MUSK: variants seen among roughly 807,000 people sequenced by gnomAD.
MUSK encodes muscle associated receptor tyrosine kinase.
A neutral mutation model predicts 88.7 loss-of-function variants in MUSK; 55 were observed. That is an observed-to-expected ratio of 0.62 (90% CI 0.50 to 0.78). The LOEUF (loss-of-function observed/expected upper bound fraction) is 0.78. Ranked by LOEUF, MUSK falls within the 30% of genes least tolerant of loss-of-function variation. The probability of loss-of-function intolerance (pLI) is 0.00; values close to 1 mark genes in which losing one functional copy is unlikely to be tolerated. For missense variants in MUSK, 1,015 were observed against 1,074.3 expected (o/e 0.94, Z 0.77); for synonymous variants, 387 against 391.9 (o/e 0.99, Z 0.15).
intron 6 of MUSK, among the ~76,000 whole-genome samples, chr9:110,741,972 T>A (rs544383533): frequency 4.1e-4 from 62 of 152,282 alleles, no homozygotes; most frequent in African/African-American, 1.5e-3. Flanking sequence ...ATTAGAGACA[T>A]CAGGGCTAAT....
intron 5 of MUSK, among the ~76,000 whole-genome samples, chr9:110,708,130 A>G (rs1248211534): frequency 2.0e-5 from 3 of 151,804 alleles, no homozygotes; most frequent in Admixed American, 6.6e-5. Flanking sequence ...CTATCTATCT[A>G]TCTATCTATC....
At chr9:110,755,979 C>CCTAT (rs111630775) in intron 7 of MUSK, among the ~76,000 whole-genome samples, 1 of 102,518 alleles carries the variant, frequency 9.8e-6, no homozygotes, top group African/African-American at 3.5e-5. Context: ...TATATATATA[C>CCTAT]ATATATATAT....
intron 5 of MUSK, chr9:110,728,411 C>T (rs1300272123): frequency 1.0e-5 from 4 of 397,766 alleles, no homozygotes; most frequent in Non-Finnish European, 1.3e-5. Context: ...CATGAAAGAG[C>T]TACATTGTTA....
At chr9:110,751,672 G>A (rs1230379939) in intron 7 of MUSK, among the ~76,000 whole-genome samples, 1 of 152,128 alleles carries the variant, frequency 6.6e-6, no homozygotes, top group Non-Finnish European at 1.5e-5. Context: ...GAGAAGTTGG[G>A]GACCCTGGAA....
intron 11 of MUSK, among the ~76,000 whole-genome samples, chr9:110,779,303 T>C (rs1303365637): frequency 6.6e-6 from 1 of 152,152 alleles, no homozygotes; most frequent in Admixed American, 6.6e-5. Context: ...CTTTGTAGAA[T>C]ACATTAATTA....
chr9:110,701,656 ATTTTAT>A lies in MUSK; in HGVS notation c.628+4193_628+4198del. On this transcript the variant is annotated intron_variant, in intron 5 of 14. Transcript: ENST00000374448. Reference sequence around the variant, plus strand: ...TGTGCACTACTGTGCTCAGCTATTTATTTTATTTATTTTATTTTATTTTTTTTACTT... The same window carrying A: ...TGTGCACTACTGTGCTCAGCTATTTATTATTTTATTTTATTTTTTTTACTT... Among the ~76,000 whole-genome samples the A allele has an allele frequency of 9.1e-5, 2 of 22,002 alleles. 1 individual carries two copies. The highest frequency in any genetic ancestry group is 1.8e-3 in the South Asian group (2 of 1,114). 14.4% of individuals were successfully genotyped at this position (22,002 alleles called of 152,430 possible). A position where few individuals can be genotyped will look rare whatever the true frequency, so the allele number is the denominator to read the frequency against.
At chr9:110,742,491 T>C (rs1313846123) in intron 6 of MUSK, among the ~76,000 whole-genome samples, 1 of 152,086 alleles carries the variant, frequency 6.6e-6, no homozygotes, top group Non-Finnish European at 1.5e-5. Flanking sequence ...AGACTGACAA[T>C]ATAACTTCAC....
At chr9:110,777,966 A>G (rs1023849444) in intron 11 of MUSK, among the ~76,000 whole-genome samples, 3 of 152,126 alleles carry the variant, frequency 2.0e-5, no homozygotes, top group Non-Finnish European at 2.9e-5. Context: ...TAAGGCAATT[A>G]TTATTAAAAG....
Position 110,783,035 on chromosome 9 carries a change from G to A in MUSK, c.1385-1780G>A, listed in dbSNP as rs80224657. ...TATGACTAAGAAGTCATACATGAGC[G>A]TCTCTTGTAGCCTCCAATTTTGCAA... is the stretch of plus-strand genomic sequence containing the variant. On this transcript the variant is annotated intron_variant, in intron 11 of 14. Coordinates refer to ENST00000374448, the MANE Select transcript of MUSK (RefSeq NM_005592.4). 1.5e-3 allele frequency among the ~76,000 whole-genome samples: 232 copies of A among 152,242 alleles called. 1 individual carries two copies. The highest frequency in any genetic ancestry group is 0.015 in the East Asian group (77 of 5,182).
In MUSK at chr9:110,776,685, C is replaced by A. The variant is rs200155295; in HGVS notation, c.1384+30C>A. 29 of 1,552,442 alleles carry A rather than the reference C, an allele frequency of 1.9e-5. No homozygotes were observed. In the African/African-American group the frequency reaches 3.6e-4, roughly 19 times the overall value. ...GTAATTGTGTTTGTGCCCTTGAAAC[C>A]TTATGTGTATGTAATTGGATTCATG... is the stretch of plus-strand genomic sequence containing the variant. On this transcript the variant is annotated intron_variant, in intron 11 of 14. Transcript: ENST00000374448.
rs753955487 is a variant in MUSK at position 110,768,098 on chromosome 9, A to C, written c.1184+15A>C. 6.3e-6 allele frequency: 10 copies of C among 1,580,120 alleles called. No individual in the cohort carries two copies. The South Asian group carries it at 9.2e-5, about 15-fold the overall frequency. On this transcript the variant is annotated intron_variant, in intron 9 of 14. Transcript: ENST00000374448. ...CCCATTTGCAGGTAAAATCTCAAAA[A>C]TAAGTCAAAGGAAAAATTCCATTTT...
intron 9 of MUSK, chr9:110,775,516 C>A: frequency 4.6e-6 from 2 of 431,418 alleles, no homozygotes; most frequent in Middle Eastern, 6.8e-4. Flanking sequence ...GATTCCCAAT[C>A]TAATACGTTT....
intron 4 of MUSK, 136 bp from the exon 5 acceptor site, chr9:110,697,188 AT>A (rs1438951918): frequency 1.2e-6 from 1 of 839,734 alleles, no homozygotes; most frequent in African/African-American, 1.7e-5. Context: ...TATGTTTTAC[AT>A]AATAAGTGGC....
intron 7 of MUSK, among the ~76,000 whole-genome samples, chr9:110,755,936 A>G (rs557402971): frequency 2.6e-5 from 2 of 76,950 alleles, no homozygotes; most frequent in African/African-American, 5.7e-5. Flanking sequence ...ATATATACAT[A>G]TATATATATA....
At chr9:110,683,223 C>A (rs1489328870) in intron 2 of MUSK, among the ~76,000 whole-genome samples, 1 of 152,084 alleles carries the variant, frequency 6.6e-6, no homozygotes, top group Non-Finnish European at 1.5e-5. Context: ...TAAGTGAGAA[C>A]ATGCAATGTT....
At chr9:110,756,450 C>T (rs1399088996) in intron 7 of MUSK, among the ~76,000 whole-genome samples, 1 of 151,910 alleles carries the variant, frequency 6.6e-6, no homozygotes, top group Non-Finnish European at 1.5e-5. Flanking sequence ...TGTCCCATGT[C>T]CCTACCATCC....
At chr9:110,705,199 T>A (rs1304468405) in intron 5 of MUSK, among the ~76,000 whole-genome samples, 1 of 152,204 alleles carries the variant, frequency 6.6e-6, no homozygotes, top group African/African-American at 2.4e-5. Flanking sequence ...AGTTTGATAT[T>A]TTTGCAGTTC....
At position 110,767,840 on chromosome 9, in the gene MUSK, A is replaced by C. The variant is rs1588014512; in HGVS notation, c.941A>C (p.Lys314Thr). ...TTCAGTAAACCACAGAAAGATAACAAAGGCTACTGCGCCCAGTACAGAGGG... is the reference window on the plus strand; with the variant it reads ...TTCAGTAAACCACAGAAAGATAACACAGGCTACTGCGCCCAGTACAGAGGG... ...AEWSKPQKDN[K>T]GYCAQYRGEV... The change falls in exon 9 of 15, where the codon AAA becomes ACA. Residue 314 changes from lysine (K) to threonine (T), a missense_variant. Lys to Thr is a moderately conservative substitution (Grantham distance 78, BLOSUM62 -1). Transcript: ENST00000374448. 1 of 1,614,054 alleles carries C rather than the reference A, an allele frequency of 6.2e-7. No individual in the cohort carries two copies. The highest frequency in any genetic ancestry group is 2.2e-5 in the East Asian group (1 of 44,882).
chr9:110,737,810 C>A (rs77353738), intron 6 of MUSK, among the ~76,000 whole-genome samples: 18,302 of 152,034 alleles, frequency 0.12, 1,456 homozygotes, highest in East Asian at 0.18. Flanking sequence ...TTATGCTCTG[C>A]ATATGTTTGT....
Sources: gnomAD v4.1 joint callset for allele counts (sites outside exome capture counted in the v4.1 genomes callset) on GRCh38, gnomAD v4.1.1 for gene constraint, MANE v1.5 for transcripts, NCBI Gene and HGNC (gene_info 2026-07-23, HGNC 2026-07-21) for gene names.